Variants in ZFYVE16 observed in about 807,000 individuals in gnomAD.
ZFYVE16 encodes the protein zinc finger FYVE domain-containing protein 16.
Under a neutral mutation model 138.1 loss-of-function variants are expected in ZFYVE16, and 89 were observed. That is an observed-to-expected ratio of 0.64 (90% CI 0.54 to 0.77). ZFYVE16 has a LOEUF of 0.77. Among genes scored for constraint, ZFYVE16 ranks in the 30% least tolerant of loss-of-function variants. The probability of loss-of-function intolerance (pLI) is 0.00; values close to 1 mark genes in which losing one functional copy is unlikely to be tolerated. For missense variants in ZFYVE16, 1,793 were observed against 1,786.7 expected (o/e 1.00, Z -0.06); for synonymous variants, 596 against 618.3 (o/e 0.96, Z 0.53).
Position 80,456,565 on chromosome 5 carries a change from T to A in ZFYVE16, c.3795T>A (p.Asp1265Glu). The A allele has an allele frequency of 1.2e-6, 2 of 1,602,472 alleles. No individual in the cohort carries two copies. Among genetic ancestry groups the A allele is most frequent in the African/African-American group, 2.7e-5 (2 of 74,636 alleles). Residue 1265 changes from aspartate (D) to glutamate (E), a missense_variant and splice_region_variant, in exon 13 of 19, where the codon GAT becomes GAA. Asp to Glu is a conservative substitution (Grantham distance 45). Around this residue, in one of 2 missense-constraint regions of ZFYVE16, gnomAD observed 498 missense variants for 582.4 expected, o/e 0.86. Transcript: ENST00000505560. ...CIKIPRKKYS[D>E]VMKVLNSSNE... Reference sequence around the variant, plus strand: ...AAATACCACGGAAAAAGTACAGTGATGTAAGTATAATTGTTTTATTCAAAT... The same window carrying A: ...AAATACCACGGAAAAAGTACAGTGAAGTAAGTATAATTGTTTTATTCAAAT...
intron 1 of ZFYVE16, among the ~76,000 whole-genome samples, chr5:80,408,825 T>C (rs1342816535): frequency 1.3e-5 from 2 of 152,252 alleles, no homozygotes; most frequent in Admixed American, 6.5e-5. Context: ...AACCAGTCCA[T>C]ACATTTGATA....
chr5:80,430,623 C>A (rs1748856998), intron 2 of ZFYVE16, among the ~76,000 whole-genome samples: 1 of 151,974 alleles, frequency 6.6e-6, no homozygotes. Context: ...ACACAAAAAA[C>A]CCTTCAAAAA....
intron 11 of ZFYVE16, 186 bp from the exon 12 acceptor site, chr5:80,455,506 C>G: frequency 1.9e-6 from 1 of 540,542 alleles, no homozygotes; most frequent in Non-Finnish European, 3.2e-6. Flanking sequence ...TGCACTCCAG[C>G]CTGGGCAACA....
At position 80,464,305 on chromosome 5, in the gene ZFYVE16, G is replaced by A. The variant is rs181053687; in HGVS notation, c.4024+4811G>A. ...CTTATGATCATGGCAGAAGGTGAAG[G>A]GCAAGCAAAGCACCTTCTTCACAAG... On this transcript the variant is annotated intron_variant, in intron 15 of 18. Coordinates refer to ENST00000505560, the MANE Select transcript of ZFYVE16 (RefSeq NM_001284236.3). Among the ~76,000 whole-genome samples the A allele has an allele frequency of 9.2e-5, 14 of 152,196 alleles. No homozygotes were observed. The East Asian group carries it at 1.7e-3, about 19-fold the overall frequency.
chr5:80,477,769 T>C lies in ZFYVE16; in HGVS notation c.*392T>C, dbSNP rs140945552. Reference sequence around the variant, plus strand: ...ATGAAGGAAATATCTGCTTTGTGTATATGCCAGTTAGAATACTGGTTTCTA... The same window carrying C: ...ATGAAGGAAATATCTGCTTTGTGTACATGCCAGTTAGAATACTGGTTTCTA... On this transcript the variant is annotated 3_prime_UTR_variant, in exon 19 of 19. Transcript: ENST00000505560. The C allele has an allele frequency of 4.0e-3, 613 of 154,196 alleles. 3 individuals carry two copies. The highest frequency in any genetic ancestry group is 0.011 in the South Asian group (56 of 4,898). 9.6% of individuals were successfully genotyped at this position (154,196 alleles called of 1,614,324 possible).
At chr5:80,457,966 C>T (rs891605046) in intron 14 of ZFYVE16, among the ~76,000 whole-genome samples, 1 of 147,712 alleles carries the variant, frequency 6.8e-6, no homozygotes, top group Admixed American at 6.9e-5. Flanking sequence ...GCGGAGCTTG[C>T]AGTGAGCCCA....
intron 15 of ZFYVE16, among the ~76,000 whole-genome samples, chr5:80,466,517 A>G (rs1753768862): frequency 6.6e-6 from 1 of 152,166 alleles, no homozygotes; most frequent in South Asian, 2.1e-4. Flanking sequence ...GATTCTTTAG[A>G]CATAGTTCCT....
intron 3 of ZFYVE16, among the ~76,000 whole-genome samples, chr5:80,435,181 C>T (rs1209826541): frequency 6.6e-6 from 1 of 152,054 alleles, no homozygotes; most frequent in Non-Finnish European, 1.5e-5. Flanking sequence ...ACTACAGGTG[C>T]CCACCACCAT....
At position 80,437,237 on chromosome 5, in the gene ZFYVE16, T is replaced by C. The variant is rs1319311876; in HGVS notation, c.552T>C (p.Thr184=). The C allele has an allele frequency of 6.2e-7, 1 of 1,613,958 alleles. No homozygotes were observed. Among genetic ancestry groups the C allele is most frequent in the East Asian group, 2.2e-5 (1 of 44,860 alleles). ...CTTCAACAGACCATGATAGTGATAC[T>C]GTCAGAGAACAACAGAATGATATCA... The part of the protein sequence containing the change: ...CVSSTDHDSD[T]VREQQNDISS... Residue 184 remains threonine (T), a synonymous_variant, in exon 4 of 19, where the codon ACT becomes ACC. Transcript: ENST00000505560.
In ZFYVE16 at chr5:80,477,828, A is replaced by G. The variant is rs1180630681; in HGVS notation, c.*451A>G. 3 of 152,320 alleles carry G rather than the reference A, an allele frequency of 2.0e-5. No individual in the cohort carries two copies. The highest frequency in any genetic ancestry group is 4.4e-5 in the Non-Finnish European group (3 of 68,120). 9.4% of individuals were successfully genotyped at this position (152,320 alleles called of 1,614,324 possible). A position where few individuals can be genotyped will look rare whatever the true frequency, so the allele number is the denominator to read the frequency against. ...CAAATTGTATTTCAGTGGCACAAAA[A>G]CCAGTTTTGAGGTCTTAGACTTATA... On this transcript the variant is annotated 3_prime_UTR_variant, in exon 19 of 19. Transcript: ENST00000505560.
chr5:80,426,242 C>CTG (rs869080902), intron 1 of ZFYVE16, among the ~76,000 whole-genome samples: 3,206 of 124,912 alleles, frequency 0.026, 44 homozygotes, highest in African/African-American at 0.035. Flanking sequence ...GTGTGTGTGT[C>CTG]TGTGTGTGTG....
At chr5:80,431,920 C>T (rs1285025508) in intron 2 of ZFYVE16, among the ~76,000 whole-genome samples, 2 of 152,024 alleles carry the variant, frequency 1.3e-5, no homozygotes, top group East Asian at 1.9e-4. Context: ...AACCACTGCT[C>T]AATGAAATAA....
upstream of ZFYVE16, among the ~76,000 whole-genome samples, chr5:80,407,695 G>A (rs1407954543): frequency 6.6e-6 from 1 of 152,252 alleles, no homozygotes; most frequent in Non-Finnish European, 1.5e-5. Context: ...CCGGAACGCC[G>A]CGCAGGCTCA....
At chr5:80,413,784 C>T (rs539174491) in intron 1 of ZFYVE16, among the ~76,000 whole-genome samples, 42 of 152,244 alleles carry the variant, frequency 2.8e-4, no homozygotes, top group African/African-American at 9.6e-4. Flanking sequence ...ACTTCAATTC[C>T]TTATCACTTC....
intron 2 of ZFYVE16, among the ~76,000 whole-genome samples, chr5:80,433,775 A>T (rs983200520): frequency 1.3e-5 from 2 of 151,646 alleles, no homozygotes; most frequent in Non-Finnish European, 2.9e-5. Context: ...TTTTATGTGC[A>T]TTATTTTTAT....
At chr5:80,415,087 G>A (rs1241574335) in intron 1 of ZFYVE16, among the ~76,000 whole-genome samples, 1 of 151,938 alleles carries the variant, frequency 6.6e-6, no homozygotes, top group Non-Finnish European at 1.5e-5. Context: ...TCATTAGATT[G>A]ATTCTCTAAT....
intron 1 of ZFYVE16, among the ~76,000 whole-genome samples, chr5:80,424,462 A>C (rs1443447392): frequency 1.9e-4 from 19 of 99,106 alleles, no homozygotes; most frequent in Non-Finnish European, 4.0e-4. Context: ...CTTCCTCCAA[A>C]TTCCTTTTTT....
rs1208766785 is a variant in ZFYVE16 at position 80,418,066 on chromosome 5, T to C, written c.-93-9426T>C. On this transcript the variant is annotated intron_variant, in intron 1 of 18. Coordinates refer to ENST00000505560, the MANE Select transcript of ZFYVE16 (RefSeq NM_001284236.3). ...ATGTTCAGCATTTTTCATATTCTTA[T>C]TTTCCATCCTTATATCTTCTTTGGT... Among the ~76,000 whole-genome samples, 13 of 152,338 alleles carry C rather than the reference T, an allele frequency of 8.5e-5. No individual in the cohort carries two copies. The East Asian group carries it at 2.5e-3, about 29-fold the overall frequency.
intron 11 of ZFYVE16, chr5:80,454,498 T>C (rs1752305515): frequency 6.6e-6 from 1 of 152,048 alleles, no homozygotes; most frequent in African/African-American, 2.4e-5. Context: ...CCTGACTCTA[T>C]CTGTATATTC....
Sources: allele counts gnomAD v4.1 joint callset (sites outside exome capture counted in the v4.1 genomes callset), GRCh38; gene constraint gnomAD v4.1.1; regional missense constraint gnomAD v4.1.1; transcripts MANE v1.5; gene names NCBI Gene and HGNC (gene_info 2026-07-23, HGNC 2026-07-21).